Variants in CELF2 observed in about 807,000 individuals in gnomAD.
CELF2 encodes the protein CUG triplet repeat RNA-binding protein 2.
Under a neutral mutation model 62.6 loss-of-function variants are expected in CELF2, and 8 were observed. The observed-to-expected ratio is 0.13, with a 90% CI of 0.07 to 0.23. The LOEUF (loss-of-function observed/expected upper bound fraction) is 0.23, where lower values mean the gene tolerates loss of function less well. Ranked by LOEUF, CELF2 falls within the 10% of genes least tolerant of loss-of-function variation. The pLI is 1.00. For synonymous variants in CELF2, 258 were observed against 250.0 expected, an observed-to-expected ratio of 1.03 and a Z score of -0.30; for missense variants, 333 against 671.0, an observed-to-expected ratio of 0.50 and a Z score of 5.56.
the CELF2 span, among the ~76,000 whole-genome samples, chr10:10,704,517 G>A: frequency 6.6e-6 from 1 of 152,178 alleles, no homozygotes; most frequent in Non-Finnish European, 1.5e-5. Flanking sequence ...TCCAGAAATA[G>A]TGAACAATAA....
At chr10:11,126,837 C>T (rs939792933) in intron 1 of CELF2, among the ~76,000 whole-genome samples, 3 of 151,628 alleles carry the variant, frequency 2.0e-5, no homozygotes, top group African/African-American at 7.3e-5. Context: ...GATATAGTTG[C>T]TCTTCAGCCA....
intron 2 of CELF2, among the ~76,000 whole-genome samples, chr10:11,216,111 A>T (rs1049575886): frequency 6.6e-6 from 1 of 152,184 alleles, no homozygotes; most frequent in Non-Finnish European, 1.5e-5. Flanking sequence ...TGATCTTTGG[A>T]TGCGTGGAGT....
rs147848240 is a variant in CELF2 at position 11,061,586 on chromosome 10, G to A, written c.74+43423G>A. On this transcript the variant is annotated intron_variant, in intron 1 of 12. Coordinates refer to ENST00000633077, the MANE Select transcript of CELF2 (RefSeq NM_001326342.2). Reference sequence around the variant, plus strand: ...TTGGAAGATGCCATCTAGAAGTTTCGTAGCCAAAGAGGAGAAGTCAATGTC... The same window carrying A: ...TTGGAAGATGCCATCTAGAAGTTTCATAGCCAAAGAGGAGAAGTCAATGTC... 5.0e-3 allele frequency among the ~76,000 whole-genome samples: 758 copies of A among 152,290 alleles called. 6 individuals carry two copies. The highest frequency in any genetic ancestry group is 0.018 in the African/African-American group (733 of 41,548).
At chr10:11,021,417 T>C (rs2058298248) in intron 1 of CELF2, among the ~76,000 whole-genome samples, 1 of 152,214 alleles carries the variant, frequency 6.6e-6, no homozygotes, top group African/African-American at 2.4e-5. Context: ...CAGTGTATAA[T>C]TAAACTGAAG....
the CELF2 span, among the ~76,000 whole-genome samples, chr10:10,658,598 T>C: frequency 6.6e-6 from 1 of 152,226 alleles, no homozygotes; most frequent in Admixed American, 6.5e-5. Context: ...ATGTGTTTTA[T>C]CATCAAAGTA....
chr10:11,111,619 T>G (rs1395081492), intron 1 of CELF2, among the ~76,000 whole-genome samples: 2 of 152,220 alleles, frequency 1.3e-5, no homozygotes, highest in African/African-American at 4.8e-5. Flanking sequence ...CTTGTCTGTC[T>G]GATATGAAGG....
rs186439741 is a variant in CELF2, at chr10:11,047,587, C to T, written c.74+29424C>T. Among the ~76,000 whole-genome samples, 395 of 152,210 alleles carry T rather than the reference C, an allele frequency of 2.6e-3. 2 individuals carry two copies. Among genetic ancestry groups the T allele is most frequent in the Middle Eastern group, 0.01 (3 of 294 alleles). ...TACGTTATAGCATCGTCTTTGATTC[C>T]TAAAGAAGCCTCAGAGGTATTAAAG... On this transcript the variant is annotated intron_variant, in intron 1 of 12. Coordinates refer to ENST00000633077, the MANE Select transcript of CELF2 (RefSeq NM_001326342.2).
chr10:10,563,607 C>CAA, the CELF2 span, among the ~76,000 whole-genome samples: 13 of 86,928 alleles, frequency 1.5e-4, no homozygotes, highest in South Asian at 7.1e-4. Flanking sequence ...GACTGTGTCT[C>CAA]AAAAAAAAAA....
At chr10:11,276,904 C>G (rs1041556003) in intron 8 of CELF2, among the ~76,000 whole-genome samples, 1 of 152,204 alleles carries the variant, frequency 6.6e-6, no homozygotes, top group African/African-American at 2.4e-5. Context: ...TACAAGGTGC[C>G]GAGGAGCAGA....
At chr10:10,765,308 G>A in the CELF2 span, among the ~76,000 whole-genome samples, 6 of 152,194 alleles carry the variant, frequency 3.9e-5, no homozygotes, top group African/African-American at 7.2e-5. Flanking sequence ...AAGGCGCAGG[G>A]CACGAGGTGA....
chr10:10,478,896 A>G, the CELF2 span, among the ~76,000 whole-genome samples: 1 of 152,188 alleles, frequency 6.6e-6, no homozygotes, highest in African/African-American at 2.4e-5. Context: ...AAGCACAAAG[A>G]GTAGGTTAAA....
In CELF2 at chr10:11,331,759, C is replaced by T. The variant is rs1316351176; in HGVS notation, c.*2706C>T. The T allele has an allele frequency of 6.6e-6, 1 of 152,630 alleles. No individual in the cohort carries two copies. Among genetic ancestry groups the T allele is most frequent in the Non-Finnish European group, 1.5e-5 (1 of 68,034 alleles). 9.5% of individuals were successfully genotyped at this position (152,630 alleles called of 1,614,324 possible). A position where few individuals can be genotyped will look rare whatever the true frequency, so the allele number is the denominator to read the frequency against. On this transcript the variant is annotated 3_prime_UTR_variant, in exon 13 of 13. Transcript: ENST00000633077. ...ATGTCCCACTTTTTTAACCACTCCG[C>T]ACATCAGTGCTGTGAAGGCAACCTC... is the stretch of plus-strand genomic sequence containing the variant.
At chr10:10,627,487 C>T in the CELF2 span, among the ~76,000 whole-genome samples, 6 of 152,198 alleles carry the variant, frequency 3.9e-5, no homozygotes, top group Admixed American at 3.3e-4. Context: ...AGAGGGCTGA[C>T]GCAAAGCCCT....
intron 4 of CELF2, among the ~76,000 whole-genome samples, chr10:11,253,647 A>G (rs772837245): frequency 5.9e-5 from 9 of 152,220 alleles, no homozygotes; most frequent in Non-Finnish European, 8.8e-5. Flanking sequence ...GCGCAGACTT[A>G]CAATTAGAGA....
Position 11,217,615 on chromosome 10 carries a change from T to C in CELF2, c.354+108T>C, listed in dbSNP as rs186234237. 1 of 778,048 alleles carries C rather than the reference T, an allele frequency of 1.3e-6. No homozygotes were observed. The highest frequency in any genetic ancestry group is 1.8e-5 in the African/African-American group (1 of 57,050). The allele number at this position is 778,048 out of a possible 1,614,324, so 48.2% of individuals were successfully genotyped here. On this transcript the variant is annotated intron_variant, in intron 3 of 12. Coordinates refer to ENST00000633077, the MANE Select transcript of CELF2 (RefSeq NM_001326342.2). This position sits in a 1 kb window ranked among gnomAD's most constrained non-coding sequence, Gnocchi z 5.6. ...TAGTGCCAAAAATGACTTTGGTCTT[T>C]TGAGGAGTGTGTGCTGACCCCCCAG...
At chr10:10,772,291 A>G in the CELF2 span, among the ~76,000 whole-genome samples, 2 of 152,196 alleles carry the variant, frequency 1.3e-5, no homozygotes, top group African/African-American at 2.4e-5. Context: ...CTGTTCAACT[A>G]TATGATCTTG....
At chr10:10,889,792 G>A (rs1399948855) in intron 1 of CELF2, among the ~76,000 whole-genome samples, 1 of 152,182 alleles carries the variant, frequency 6.6e-6, no homozygotes, top group Non-Finnish European at 1.5e-5. Context: ...CAAGAGTATT[G>A]CATAGGAGAG....
At chr10:10,464,897 C>T in the CELF2 span, among the ~76,000 whole-genome samples, 6 of 152,220 alleles carry the variant, frequency 3.9e-5, no homozygotes, top group South Asian at 2.1e-4. Context: ...CCTAAGGATA[C>T]GTAATATCAG....
At chr10:10,843,941 A>C (rs1488223242) in intron 1 of CELF2, among the ~76,000 whole-genome samples, 4 of 152,018 alleles carry the variant, frequency 2.6e-5, no homozygotes, top group African/African-American at 9.7e-5. Context: ...TTGTCTGAGC[A>C]GCCACTTATG....
Sources: allele counts gnomAD v4.1 joint callset (sites outside exome capture counted in the v4.1 genomes callset), GRCh38; gene constraint gnomAD v4.1.1; non-coding constraint Gnocchi (gnomAD v3.1); transcripts MANE v1.5; gene names NCBI Gene and HGNC (gene_info 2026-07-23, HGNC 2026-07-21).